The following GML variants were observed in gnomAD, a reference collection of about 807,000 sequenced individuals.
The protein encoded by GML is glycosylphosphatidylinositol anchored molecule like, also known as glycosyl-phosphatidylinositol-anchored molecule-like protein.
A neutral mutation model predicts 8.2 loss-of-function variants in GML; 5 were observed. That is an observed-to-expected ratio of 0.61 (90% CI 0.32 to 1.28). The LOEUF (loss-of-function observed/expected upper bound fraction) is 1.28, where lower values mean the gene tolerates loss of function less well. Ranked by LOEUF, GML falls within the 50% of genes most tolerant of loss-of-function variation. The pLI is 0.06. For missense variants in GML, 191 were observed against 198.3 expected, an observed-to-expected ratio of 0.96 and a Z score of 0.22; for synonymous variants, 72 against 69.0, an observed-to-expected ratio of 1.04 and a Z score of -0.22.
At chr8:142,845,342 A>G (rs1816490355) in intron 3 of GML, among the ~76,000 whole-genome samples, 1 of 152,218 alleles carries the variant, frequency 6.6e-6, no homozygotes, top group Admixed American at 6.5e-5. Context: ...TCTGTTTCTG[A>G]TGCTGCATGC....
chr8:142,840,023 G>A (rs1454649332), intron 1 of GML, among the ~76,000 whole-genome samples: 16 of 147,046 alleles, frequency 1.1e-4, no homozygotes, highest in Non-Finnish European at 2.4e-4. Flanking sequence ...GCGTCAGTGG[G>A]CGGAGGGAGC....
In GML at chr8:142,842,164, C is replaced by T. The variant is rs145467354; in HGVS notation, c.181+939C>T. ...GATGGTTTTATAAGGAGCTTTTCCC[C>T]GGCACTTCTCCTTCCTGCCATCATT... On this transcript the variant is annotated intron_variant, in intron 3 of 3. Coordinates refer to ENST00000220940, the MANE Select transcript of GML (RefSeq NM_002066.3). Among the ~76,000 whole-genome samples, 78 of 152,224 alleles carry T rather than the reference C, an allele frequency of 5.1e-4. 1 individual carries two copies. In the East Asian group the frequency reaches 0.012, roughly 23 times the overall value.
At chr8:142,835,934 A>G (rs1056058341) in intron 1 of GML, among the ~76,000 whole-genome samples, 3 of 152,172 alleles carry the variant, frequency 2.0e-5, no homozygotes, top group Admixed American at 6.5e-5. Context: ...TATGAACTCA[A>G]TATTTCTTGT....
intron 1 of GML, among the ~76,000 whole-genome samples, chr8:142,838,702 C>G (rs893780559): frequency 6.6e-6 from 1 of 152,190 alleles, no homozygotes; most frequent in Non-Finnish European, 1.5e-5. Context: ...GCTTCTCTGA[C>G]ACCTTTAGTC....
rs578157748 is a variant in GML, at chr8:142,840,866, A to G, written c.74-252A>G. ...GGTCTGCAGAGCATAGCAATCCCGT[A>G]TGTGACCACCAGTGGCGCTCTCTGG... is the stretch of plus-strand genomic sequence containing the variant. On this transcript the variant is annotated intron_variant, in intron 2 of 3. Coordinates refer to ENST00000220940, the MANE Select transcript of GML (RefSeq NM_002066.3). Among the ~76,000 whole-genome samples, 7 of 152,270 alleles carry G rather than the reference A, an allele frequency of 4.6e-5. No individual in the cohort carries two copies. The East Asian group carries it at 1.4e-3, about 30-fold the overall frequency.
Position 142,846,769 on chromosome 8 carries a change from A to G in GML, c.*79A>G. ...GCTCTCCATTATTCCCTTCTAAGCCAGAGACCCTTATCCACTGCTCCTCTA... is the reference window on the plus strand; with the variant it reads ...GCTCTCCATTATTCCCTTCTAAGCCGGAGACCCTTATCCACTGCTCCTCTA... On this transcript the variant is annotated 3_prime_UTR_variant, in exon 4 of 4. Transcript: ENST00000220940. The G allele has an allele frequency of 1.9e-6, 2 of 1,080,610 alleles. No homozygotes were observed. Among genetic ancestry groups the G allele is most frequent in the Non-Finnish European group, 2.7e-6 (2 of 730,488 alleles). 66.9% of individuals were successfully genotyped at this position (1,080,610 alleles called of 1,614,324 possible).
intron 2 of GML, 57 bp from the exon 3 acceptor site, chr8:142,841,061 A>G (rs529887908): frequency 4.7e-6 from 4 of 852,184 alleles, no homozygotes; most frequent in African/African-American, 3.3e-5. Flanking sequence ...TGAGCTGGTA[A>G]TGGGTGGAAA....
rs141090372 is a variant in GML, at chr8:142,842,186, C to T, written c.181+961C>T. ...CCCCGGCACTTCTCCTTCCTGCCAT[C>T]ATTTGAAGCATGTGTTTGCTACCCC... On this transcript the variant is annotated intron_variant, in intron 3 of 3. Transcript: ENST00000220940. 3.4e-3 allele frequency among the ~76,000 whole-genome samples: 512 copies of T among 152,290 alleles called. 3 individuals are homozygous for T. The highest frequency in any genetic ancestry group is 0.011 in the African/African-American group (477 of 41,566).
chr8:142,843,802 A>G (rs935321162), intron 3 of GML, among the ~76,000 whole-genome samples: 3 of 152,242 alleles, frequency 2.0e-5, no homozygotes, highest in Non-Finnish European at 4.4e-5. Flanking sequence ...CTCAAACTGC[A>G]AGAACACTAT....
rs968350566 is a variant in GML, at chr8:142,846,435, A to G, written c.222A>G (p.Thr74=). The change falls in exon 4 of 4, where the codon ACA becomes ACG. Residue 74 remains threonine, a synonymous_variant. Coordinates refer to ENST00000220940, the MANE Select transcript of GML (RefSeq NM_002066.3). ...SRELLVYKNC[T]NNCTFVYAAE... ...AACTACTTGTTTATAAGAACTGTAC[A>G]AACAACTGCACATTTGTATATGCAG... The G allele has an allele frequency of 1.2e-6, 2 of 1,612,580 alleles. No individual in the cohort carries two copies. Among genetic ancestry groups the G allele is most frequent in the East Asian group, 2.2e-5 (1 of 44,892 alleles).
intron 1 of GML, among the ~76,000 whole-genome samples, chr8:142,839,457 T>A (rs529532407): frequency 3.5e-4 from 53 of 152,306 alleles, no homozygotes; most frequent in African/African-American, 1.0e-3. Context: ...TGCTGCACAG[T>A]CAGCTTCTAG....
At chr8:142,840,547 G>A (rs372354201) in intron 2 of GML, 37 bp downstream of exon 2, 94 of 1,458,218 alleles carry the variant, frequency 6.4e-5, no homozygotes, top group Non-Finnish European at 7.2e-5. Context: ...TGGAGAGGAC[G>A]AGAATTCACC....
chr8:142,841,068 G>C, intron 2 of GML, 50 bp from the exon 3 acceptor site: 1 of 904,176 alleles, frequency 1.1e-6, no homozygotes, highest in South Asian at 1.3e-5. Flanking sequence ...GTAATGGGTG[G>C]AAAAGGCGTA....
At chr8:142,842,671 T>A (rs1348863864) in intron 3 of GML, among the ~76,000 whole-genome samples, 1 of 152,244 alleles carries the variant, frequency 6.6e-6, no homozygotes, top group East Asian at 1.9e-4. Flanking sequence ...TCTCCACTTT[T>A]GAGCCTTTGA....
chr8:142,844,694 AGTT>A (rs1352319994), intron 3 of GML, among the ~76,000 whole-genome samples: 1 of 152,222 alleles, frequency 6.6e-6, no homozygotes, highest in Non-Finnish European at 1.5e-5. Flanking sequence ...ACATAAGAAA[AGTT>A]GTTCACTGTC....
intron 3 of GML, among the ~76,000 whole-genome samples, chr8:142,843,875 A>G (rs1262818127): frequency 6.6e-6 from 1 of 152,246 alleles, no homozygotes; most frequent in Non-Finnish European, 1.5e-5. Flanking sequence ...CTTATGGATC[A>G]TGAGAATCAA....
intron 3 of GML, among the ~76,000 whole-genome samples, chr8:142,845,836 C>T (rs563040313): frequency 7.0e-4 from 106 of 152,280 alleles, no homozygotes; most frequent in African/African-American, 2.5e-3. Flanking sequence ...CAAGTCTGTA[C>T]TGGGGAGGAG....
chr8:142,838,466 C>T (rs537156080), intron 1 of GML, among the ~76,000 whole-genome samples: 1 of 152,172 alleles, frequency 6.6e-6, no homozygotes, highest in East Asian at 1.9e-4. Context: ...CTGTTGGCTT[C>T]CCAGGGTGAG....
At chr8:142,842,381 G>A (rs1280748337) in intron 3 of GML, among the ~76,000 whole-genome samples, 1 of 152,196 alleles carries the variant, frequency 6.6e-6, no homozygotes, top group African/African-American at 2.4e-5. Context: ...TGGGACATGG[G>A]CAGGAGGCTG....
Sources: gnomAD v4.1 joint callset for allele counts (sites outside exome capture counted in the v4.1 genomes callset) on GRCh38, gnomAD v4.1.1 for gene constraint, MANE v1.5 for transcripts, NCBI Gene and HGNC (gene_info 2026-07-23, HGNC 2026-07-21) for gene names.